The following HSD17B3 variants were observed in gnomAD, a reference collection of about 807,000 sequenced individuals.
HSD17B3 encodes the protein hydroxysteroid 17-beta dehydrogenase 3, also known as 17-beta-hydroxysteroid dehydrogenase type 3.
A neutral mutation model predicts 41.1 loss-of-function variants in HSD17B3; 29 were observed. The ratio of observed to expected loss-of-function variants is 0.71; its 90% CI spans 0.53 to 0.96. The LOEUF (loss-of-function observed/expected upper bound fraction) is 0.96, where lower values mean the gene tolerates loss of function less well. Among genes scored for constraint, HSD17B3 ranks in the 40% least tolerant of loss-of-function variants. The pLI is 0.00. For missense variants in HSD17B3, 323 were observed against 374.6 expected (o/e 0.86, Z 1.14); for synonymous variants, 126 against 145.6 (o/e 0.87, Z 0.97).
intron 2 of HSD17B3, among the ~76,000 whole-genome samples, chr9:96,288,986 G>A (rs1468484480): frequency 1.3e-5 from 2 of 151,594 alleles, no homozygotes; most frequent in African/African-American, 2.4e-5. Context: ...GGCACAGCCT[G>A]TAGTCCCAGC....
intron 10 of HSD17B3, among the ~76,000 whole-genome samples, chr9:96,240,126 G>A (rs1836378607): frequency 6.6e-6 from 1 of 152,180 alleles, no homozygotes; most frequent in African/African-American, 2.4e-5. Flanking sequence ...AGTGCAAGCA[G>A]GGCTTAAAAC....
chr9:96,241,705 C>T (rs538330268), intron 9 of HSD17B3, among the ~76,000 whole-genome samples: 50 of 152,226 alleles, frequency 3.3e-4, no homozygotes, highest in African/African-American at 1.2e-3. Flanking sequence ...GAGGCCAAGG[C>T]AGGACGATTG....
In HSD17B3 at chr9:96,257,052, C is replaced by T. The variant is rs554663277; in HGVS notation, c.202-2109G>A. 1.3e-3 allele frequency among the ~76,000 whole-genome samples: 194 copies of T among 152,262 alleles called. 1 individual carries two copies. The highest frequency in any genetic ancestry group is 4.2e-3 in the African/African-American group (174 of 41,552). On this transcript the variant is annotated intron_variant, in intron 2 of 10. Transcript: ENST00000375263. ...GCTCCAGGCATGAGAAGTGCTCGCT[C>T]CCTCTTTGCCTTCCGCCACGTTTGT...
chr9:96,255,640 T>G (rs1441892842), intron 2 of HSD17B3, among the ~76,000 whole-genome samples: 1 of 152,164 alleles, frequency 6.6e-6, no homozygotes, highest in East Asian at 1.9e-4. Context: ...TCCGTCCGCC[T>G]CAGCCTCCCA....
At chr9:96,278,969 G>A (rs532157948) in intron 2 of HSD17B3, among the ~76,000 whole-genome samples, 97 of 152,288 alleles carry the variant, frequency 6.4e-4, no homozygotes, top group African/African-American at 2.3e-3. Context: ...TCTTGCATGA[G>A]GGCTCATCCC....
At chr9:96,277,063 T>C (rs566296033) in intron 2 of HSD17B3, among the ~76,000 whole-genome samples, 1 of 151,712 alleles carries the variant, frequency 6.6e-6, no homozygotes, top group Non-Finnish European at 1.5e-5. Flanking sequence ...TAGCTGGGCG[T>C]GGTGGCAGGC....
chr9:96,261,370 AT>A (rs1825850528), intron 2 of HSD17B3, among the ~76,000 whole-genome samples: 1 of 152,242 alleles, frequency 6.6e-6, no homozygotes, highest in South Asian at 2.1e-4. Flanking sequence ...TAATTTTTGT[AT>A]TTTTAGTGGA....
chr9:96,274,519 A>G (rs1335317444), intron 2 of HSD17B3, among the ~76,000 whole-genome samples: 1 of 152,178 alleles, frequency 6.6e-6, no homozygotes, highest in African/African-American at 2.4e-5. Context: ...GGGGAAATAC[A>G]TGAATAAAAT....
At chr9:96,251,751 A>T (rs1262086832) in intron 4 of HSD17B3, among the ~76,000 whole-genome samples, 2 of 152,194 alleles carry the variant, frequency 1.3e-5, no homozygotes, top group East Asian at 1.9e-4. Context: ...TAAGTTTTTT[A>T]AAAATATATG....
chr9:96,298,136 A>C (rs1359623732), intron 2 of HSD17B3, among the ~76,000 whole-genome samples: 3 of 152,210 alleles, frequency 2.0e-5, no homozygotes, highest in Non-Finnish European at 4.4e-5. Context: ...AAAGTATATA[A>C]GCTGATATGG....
intron 2 of HSD17B3, among the ~76,000 whole-genome samples, chr9:96,272,208 A>C (rs1826269001): frequency 6.6e-6 from 1 of 150,770 alleles, no homozygotes; most frequent in Admixed American, 6.6e-5. Context: ...ATCTCTACTG[A>C]AAACACAAAA....
At chr9:96,250,613 G>A (rs576818540) in intron 5 of HSD17B3, 9 of 354,008 alleles carry the variant, frequency 2.5e-5, no homozygotes, top group Admixed American at 1.9e-4. Flanking sequence ...GCGGCCGGGC[G>A]CAGTGGTTCA....
intron 2 of HSD17B3, among the ~76,000 whole-genome samples, chr9:96,272,204 A>G (rs1826268726): frequency 6.6e-6 from 1 of 150,660 alleles, no homozygotes; most frequent in Non-Finnish European, 1.5e-5. Context: ...CCCCATCTCT[A>G]CTGAAAACAC....
chr9:96,236,453 G>T (rs1159514169), intron 10 of HSD17B3, among the ~76,000 whole-genome samples: 1 of 151,802 alleles, frequency 6.6e-6, no homozygotes, highest in East Asian at 2.0e-4. Context: ...GGAGGTAGAG[G>T]TTGCATTGAG....
At chr9:96,259,504 T>C (rs1825783610) in intron 2 of HSD17B3, among the ~76,000 whole-genome samples, 1 of 152,096 alleles carries the variant, frequency 6.6e-6, no homozygotes. Flanking sequence ...GGGCGGATCA[T>C]GAGGTCAGGA....
intron 9 of HSD17B3, among the ~76,000 whole-genome samples, chr9:96,241,410 T>C (rs1209141417): frequency 6.6e-6 from 1 of 152,212 alleles, no homozygotes; most frequent in Non-Finnish European, 1.5e-5. Flanking sequence ...ATAACCAAAG[T>C]TGGAGCAACT....
intron 6 of HSD17B3, among the ~76,000 whole-genome samples, chr9:96,248,876 T>G (rs1373569638): frequency 6.6e-6 from 1 of 151,936 alleles, no homozygotes; most frequent in East Asian, 1.9e-4. Flanking sequence ...GAATGCTGAA[T>G]GGTGCCTAAG....
At position 96,244,326 on chromosome 9, in the gene HSD17B3, C is replaced by T. The variant is rs1379780351; in HGVS notation, c.672+3G>A. The T allele has an allele frequency of 5.0e-6, 8 of 1,614,158 alleles. No individual in the cohort carries two copies. Among genetic ancestry groups the T allele is most frequent in the Non-Finnish European group, 6.8e-6 (8 of 1,179,976 alleles). On this transcript the variant is annotated splice_donor_region_variant and intron_variant, in intron 9 of 10. Transcript: ENST00000375263. ...ACAAGGACTCCACAGCTGCCCACCT[C>T]ACCTGGATGATGACTTCTTTTGCTT... is the stretch of plus-strand genomic sequence containing the variant.
intron 10 of HSD17B3, among the ~76,000 whole-genome samples, chr9:96,238,711 G>A (rs913290602): frequency 1.3e-5 from 2 of 152,270 alleles, no homozygotes; most frequent in African/African-American, 2.4e-5. Context: ...GGAAGTGGGA[G>A]GAGAGAAAGA....
Sources: allele counts gnomAD v4.1 joint callset (sites outside exome capture counted in the v4.1 genomes callset), GRCh38; gene constraint gnomAD v4.1.1; transcripts MANE v1.5; gene names NCBI Gene and HGNC (gene_info 2026-07-23, HGNC 2026-07-21).